TBC1D9B: variants seen among roughly 807,000 people sequenced by gnomAD.
The protein encoded by TBC1D9B is TBC1 domain family member 9B, also known as TBC1 domain family, member 9B (with GRAM domain).
Under a neutral mutation model 121.1 loss-of-function variants are expected in TBC1D9B, and 87 were observed. The ratio of observed to expected loss-of-function variants is 0.72; its 90% CI spans 0.60 to 0.86. TBC1D9B has a LOEUF of 0.86. TBC1D9B is among the 40% of genes least tolerant of loss of function. The pLI, the probability that TBC1D9B is intolerant of heterozygous loss-of-function variation, is 0.00. For missense variants in TBC1D9B, 1,540 were observed against 1,628.6 expected (o/e 0.95, Z 0.94); for synonymous variants, 668 against 670.1 (o/e 1.00, Z 0.05).
rs1455065673 is a variant in TBC1D9B, at chr5:179,904,042, T to C, written c.229+660A>G. Among the ~76,000 whole-genome samples the C allele has an allele frequency of 6.6e-6, 1 of 152,124 alleles. No homozygotes were observed. The highest frequency in any genetic ancestry group is 6.6e-5 in the Admixed American group (1 of 15,258). On this transcript the variant is annotated intron_variant, in intron 2 of 20. Coordinates refer to ENST00000355235, the MANE Select transcript of TBC1D9B (RefSeq NM_015043.4). The surrounding 1 kb of genome is among the most constrained non-coding windows in gnomAD (Gnocchi z 4.2). ...TGATTTGGGGATTGCAAATACATTT[T>C]ATTGAGTAGGCCAATTTGCAAATAT... is the stretch of plus-strand genomic sequence containing the variant.
rs1453452944 is a variant in TBC1D9B, at chr5:179,907,545, G to A, written c.118+159C>T. ...CGGCCCCTCCGCGCCCGGCTCCCGG[G>A]TCCTGGCCTCGCGCCCCCGCCCCGC... On this transcript the variant is annotated intron_variant, in intron 1 of 20. Transcript: ENST00000355235. The surrounding 1 kb of genome is among the most constrained non-coding windows in gnomAD (Gnocchi z 5.3). 6.7e-6 allele frequency among the ~76,000 whole-genome samples: 1 copy of A among 148,678 alleles called. No homozygotes were observed. Among genetic ancestry groups the A allele is most frequent in the Admixed American group, 6.7e-5 (1 of 14,932 alleles).
chr5:179,870,395 C>A lies in TBC1D9B; in HGVS notation c.2585G>T (p.Ser862Ile), dbSNP rs768474678. Reference sequence around the variant, plus strand: ...GCTGGCAAAGAGTTCCCGGAACTGGCTGGCATCAATCCGGTACTGCTCCAG... The same window carrying A: ...GCTGGCAAAGAGTTCCCGGAACTGGATGGCATCAATCCGGTACTGCTCCAG... ...PYLEQYRIDA[S>I]QFRELFASLT... The change falls in exon 16 of 21, where the codon AGC (serine) becomes ATC (isoleucine). Residue 862 changes from serine (S) to isoleucine (I), a missense_variant. Ser to Ile is a moderately radical substitution (Grantham distance 142). Transcript: ENST00000355235. 5 of 1,613,810 alleles carry A rather than the reference C, an allele frequency of 3.1e-6. No homozygotes were observed. The highest frequency in any genetic ancestry group is 3.4e-6 in the Non-Finnish European group (4 of 1,180,034).
chr5:179,874,344 G>C lies in TBC1D9B; in HGVS notation c.2186+558C>G, dbSNP rs1760296462. On this transcript the variant is annotated intron_variant, in intron 12 of 20. Transcript: ENST00000355235. This position sits in a 1 kb window ranked among gnomAD's most constrained non-coding sequence, Gnocchi z 4.3. ...CTGGGCTGAGGCAGCAGGCTGAAGG[G>C]AAGGGGCTGGATCCCAGACAGAATC... Among the ~76,000 whole-genome samples, 1 of 152,062 alleles carries C rather than the reference G, an allele frequency of 6.6e-6. No homozygotes were observed. Among genetic ancestry groups the C allele is most frequent in the Admixed American group, 6.5e-5 (1 of 15,284 alleles).
intron 18 of TBC1D9B, chr5:179,867,540 G>C (rs759865724): frequency 6.4e-7 from 1 of 1,552,024 alleles, no homozygotes; most frequent in Non-Finnish European, 8.7e-7. Context: ...GAGTGGGGAG[G>C]AGCCAAGGTC....
rs1387245253 is a variant in TBC1D9B at position 179,891,304 on chromosome 5, G to A, written c.1044+75C>T. ...CCCCCCAGTGAGACAGGGCAGAGCA[G>A]GACAGGCTGGTCCCTGAGCCCACTG... On this transcript the variant is annotated intron_variant, in intron 6 of 20. Coordinates refer to ENST00000355235, the MANE Select transcript of TBC1D9B (RefSeq NM_015043.4). The surrounding 1 kb of genome is among the most constrained non-coding windows in gnomAD (Gnocchi z 4.3). 7.1e-5 allele frequency: 111 copies of A among 1,555,126 alleles called. No homozygotes were observed. Among genetic ancestry groups the A allele is most frequent in the Non-Finnish European group, 9.6e-5 (108 of 1,130,802 alleles).
chr5:179,894,019 T>C (rs530732041), intron 4 of TBC1D9B, among the ~76,000 whole-genome samples: 1 of 152,120 alleles, frequency 6.6e-6, no homozygotes, highest in South Asian at 2.1e-4. Flanking sequence ...GGCCGGGATG[T>C]CTGTAGGGAG....
chr5:179,872,946 AAACC>A lies in TBC1D9B; in HGVS notation c.2357_2360del (p.Arg786LeufsTer5). On this transcript the variant is annotated frameshift_variant, in exon 14 of 21. Coordinates refer to ENST00000355235, the MANE Select transcript of TBC1D9B (RefSeq NM_015043.4). LOFTEE classifies it high-confidence loss of function. ...ACTGGATCACTTTCAGCCTCTGTTT[AAACC>A]GCATCTGCTCAATGTCTTCGGCCCT... The A allele has an allele frequency of 6.3e-7, 1 of 1,575,208 alleles. No individual in the cohort carries two copies. Among genetic ancestry groups the A allele is most frequent in the Non-Finnish European group, 8.6e-7 (1 of 1,162,114 alleles).
At chr5:179,881,941 C>T (rs896662789) in intron 7 of TBC1D9B, among the ~76,000 whole-genome samples, 1 of 142,112 alleles carries the variant, frequency 7.0e-6, no homozygotes, top group Non-Finnish European at 1.5e-5. Flanking sequence ...TTCCATATAC[C>T]TTCCGTTTTT....
At chr5:179,880,505 T>G (rs1760507981) in intron 7 of TBC1D9B, among the ~76,000 whole-genome samples, 2 of 152,120 alleles carry the variant, frequency 1.3e-5, no homozygotes, top group South Asian at 4.1e-4. Context: ...CTGGCTCTGG[T>G]CCCGTGGCCA....
Position 179,865,519 on chromosome 5 carries a change from A to G in TBC1D9B, c.2915-159T>C, listed in dbSNP as rs935865617. ...GAAGGTGGTCATGGGAAAAAAACCC[A>G]GAACAGCCACAGGTTTTCCCTAAAT... On this transcript the variant is annotated intron_variant, in intron 19 of 20. Coordinates refer to ENST00000355235, the MANE Select transcript of TBC1D9B (RefSeq NM_015043.4). This position sits in a 1 kb window ranked among gnomAD's most constrained non-coding sequence, Gnocchi z 5.1. 2.9e-6 allele frequency: 2 copies of G among 691,224 alleles called. No individual in the cohort carries two copies. The highest frequency in any genetic ancestry group is 2.6e-5 in the Admixed American group (1 of 38,854). The allele number at this position is 691,224 out of a possible 1,614,324, so 42.8% of individuals were successfully genotyped here.
chr5:179,893,492 C>G (rs774990827), intron 4 of TBC1D9B, 25 bp from the exon 5 acceptor site: 3 of 1,569,448 alleles, frequency 1.9e-6, no homozygotes, highest in Middle Eastern at 1.7e-4. Flanking sequence ...ATAGACACAC[C>G]GCAAGTTAGG....
intron 7 of TBC1D9B, among the ~76,000 whole-genome samples, chr5:179,880,741 GAA>G (rs891835940): frequency 6.9e-6 from 1 of 145,016 alleles, no homozygotes; most frequent in Non-Finnish European, 1.5e-5. Context: ...AAGGAAAAAG[GAA>G]AAAAAAAAAG....
Position 179,864,011 on chromosome 5 carries a change from C to T in TBC1D9B, c.3139G>A (p.Val1047Met), listed in dbSNP as rs774975732. 2 of 1,613,816 alleles carry T rather than the reference C, an allele frequency of 1.2e-6. No individual in the cohort carries two copies. The highest frequency in any genetic ancestry group is 1.7e-5 in the Admixed American group (1 of 60,024). ...GTGCGGGCTGAGAACTTCTTCCCCA[C>T]CTCTCCGATGCGGAGCAGGAGGCTG... is the stretch of plus-strand genomic sequence containing the variant. Reference protein sequence around the residue: ...VASLLLRIGEVGKKFSARTGR... With the variant: ...VASLLLRIGEMGKKFSARTGR... The change falls in exon 21 of 21, where the codon GTG (valine) becomes ATG (methionine). Residue 1047 changes from valine (V) to methionine (M), a missense_variant. By Grantham distance (21) the Val-to-Met change is conservative (BLOSUM62 1). Transcript: ENST00000355235.
chr5:179,899,343 G>C, intron 2 of TBC1D9B, 36 bp from the exon 3 acceptor site: 1 of 1,574,218 alleles, frequency 6.4e-7, no homozygotes, highest in Non-Finnish European at 8.7e-7. Context: ...GAAAAATCAT[G>C]AATTCCCCAG....
chr5:179,881,401 C>T (rs1760538197), intron 7 of TBC1D9B, among the ~76,000 whole-genome samples: 1 of 152,196 alleles, frequency 6.6e-6, no homozygotes, highest in African/African-American at 2.4e-5. Flanking sequence ...GCCCGCCCAC[C>T]TGCCTGCACC....
Position 179,904,894 on chromosome 5 carries a change from A to G in TBC1D9B, c.119-82T>C. The G allele has an allele frequency of 1.8e-6, 2 of 1,137,614 alleles. No individual in the cohort carries two copies. Among genetic ancestry groups the G allele is most frequent in the Non-Finnish European group, 2.5e-6 (2 of 803,984 alleles). 70.5% of individuals were successfully genotyped at this position (1,137,614 alleles called of 1,614,324 possible). A position where few individuals can be genotyped will look rare whatever the true frequency, so the allele number is the denominator to read the frequency against. On this transcript the variant is annotated intron_variant, in intron 1 of 20. Coordinates refer to ENST00000355235, the MANE Select transcript of TBC1D9B (RefSeq NM_015043.4). This position sits in a 1 kb window ranked among gnomAD's most constrained non-coding sequence, Gnocchi z 4.2. ...GAAGGCTGAGTCTGGCCGGAGGCAG[A>G]CAGGATGGTGACGCTACCCAAAGGG...
chr5:179,888,129 CTT>C lies in TBC1D9B; in HGVS notation c.1226_1227del (p.Lys409SerfsTer7). ...SKQPGSIGSR[K>X]ASVVDPSTES... is the part of the protein sequence containing the mutation. ...TCTGTGCTAGGGTCCACAACACTGG[CTT>C]TCCTGCTCCCGATACTGCCTGGCTG... On this transcript the variant is annotated frameshift_variant, in exon 7 of 21. Coordinates refer to ENST00000355235, the MANE Select transcript of TBC1D9B (RefSeq NM_015043.4). LOFTEE classifies it high-confidence loss of function. 1.9e-6 allele frequency: 3 copies of C among 1,613,830 alleles called. No homozygotes were observed. The highest frequency in any genetic ancestry group is 2.5e-6 in the Non-Finnish European group (3 of 1,179,970).
chr5:179,875,824 C>A lies in TBC1D9B; in HGVS notation c.1900+96G>T, dbSNP rs191848592. 3.0e-6 allele frequency: 3 copies of A among 995,222 alleles called. No individual in the cohort carries two copies. Among genetic ancestry groups the A allele is most frequent in the Admixed American group, 6.2e-5 (2 of 32,200 alleles). 61.6% of individuals were successfully genotyped at this position (995,222 alleles called of 1,614,324 possible). ...TACCCTCTAACTCCTAGGGAACCCA[C>A]GTGAAGCCTGGAGCTTGGCCTGGGA... On this transcript the variant is annotated intron_variant, in intron 11 of 20. Coordinates refer to ENST00000355235, the MANE Select transcript of TBC1D9B (RefSeq NM_015043.4). This position sits in a 1 kb window ranked among gnomAD's most constrained non-coding sequence, Gnocchi z 4.5.
chr5:179,869,600 C>T, intron 17 of TBC1D9B, 169 bp downstream of exon 17: 1 of 752,206 alleles, frequency 1.3e-6, no homozygotes. Flanking sequence ...GCTCTCAGAC[C>T]TCTGTGAAGT....
Sources: gnomAD v4.1 joint callset for allele counts (sites outside exome capture counted in the v4.1 genomes callset) on GRCh38, gnomAD v4.1.1 for gene constraint, Gnocchi (gnomAD v3.1) non-coding constraint, MANE v1.5 for transcripts, NCBI Gene and HGNC (gene_info 2026-07-23, HGNC 2026-07-21) for gene names.